The following TBL1X variants were observed in gnomAD, a reference collection of about 807,000 sequenced individuals.
The protein encoded by TBL1X is transducin beta like 1 X-linked.
TBL1X carries 10 observed loss-of-function variants against 50.7 expected under a neutral mutation model. The ratio of observed to expected loss-of-function variants is 0.20; its 90% CI spans 0.12 to 0.33. TBL1X has a LOEUF of 0.33. Among genes scored for constraint, TBL1X ranks in the 10% least tolerant of loss-of-function variants. TBL1X has a pLI of 1.00. For missense variants in TBL1X, 340 were observed against 504.4 expected (o/e 0.67, Z 3.12); for synonymous variants, 190 against 214.7 (o/e 0.88, Z 1.01).
intron 2 of TBL1X, among the ~76,000 whole-genome samples, chrX:9,589,769 A>C (rs1434059129): frequency 8.9e-6 from 1 of 112,048 alleles, no homozygotes; most frequent in African/African-American, 3.2e-5. Flanking sequence ...CATAACAGTT[A>C]AGAATCATTA....
At chrX:9,704,154 G>A (rs1382571933) in intron 12 of TBL1X, among the ~76,000 whole-genome samples, 1 of 112,270 alleles carries the variant, frequency 8.9e-6, no homozygotes. Context: ...GTCAGGGAGG[G>A]TGTCGGTCAC....
intron 5 of TBL1X, among the ~76,000 whole-genome samples, chrX:9,673,358 C>T (rs1224091248): frequency 3.6e-5 from 4 of 112,142 alleles, no homozygotes; most frequent in Non-Finnish European, 7.5e-5. Flanking sequence ...GTAACAATAT[C>T]TCACATTTGT....
At chrX:9,562,357 T>C (rs978845671) in intron 2 of TBL1X, among the ~76,000 whole-genome samples, 2 of 112,477 alleles carry the variant, frequency 1.8e-5, no homozygotes, top group African/African-American at 6.5e-5. Flanking sequence ...ATTTAAATAA[T>C]AATAAGTGCT....
chrX:9,463,701 G>A (rs375262138), upstream of TBL1X, among the ~76,000 whole-genome samples: 1 of 111,764 alleles, frequency 8.9e-6, no homozygotes, highest in African/African-American at 3.3e-5. Context: ...GACCAGTCTG[G>A]CCAATATGGT....
At chrX:9,469,875 A>G (rs1460572245) in intron 1 of TBL1X, among the ~76,000 whole-genome samples, 2 of 112,446 alleles carry the variant, frequency 1.8e-5, no homozygotes, top group Non-Finnish European at 3.8e-5. Context: ...CCTTAGGTGA[A>G]TCCATCCGCT....
At chrX:9,588,607 A>ATTTTTT (rs112613645) in intron 2 of TBL1X, among the ~76,000 whole-genome samples, 1 of 100,563 alleles carries the variant, frequency 9.9e-6, no homozygotes, top group Non-Finnish European at 2.0e-5. Context: ...ATTCATTTTG[A>ATTTTTT]TTTTTTTTTT....
intron 2 of TBL1X, among the ~76,000 whole-genome samples, chrX:9,527,539 T>C (rs772018777): frequency 1.5e-4 from 17 of 112,047 alleles, no homozygotes; most frequent in Non-Finnish European, 3.2e-4. Context: ...GGTTGATCGG[T>C]GGAACCTTAT....
intron 2 of TBL1X, among the ~76,000 whole-genome samples, chrX:9,556,747 T>C (rs775078432): frequency 9.0e-6 from 1 of 111,208 alleles, no homozygotes; most frequent in East Asian, 2.8e-4. Context: ...GTGGTGGTAT[T>C]TGCTGAAGGC....
At chrX:9,495,573 T>C (rs1409934000) in intron 1 of TBL1X, among the ~76,000 whole-genome samples, 2 of 111,410 alleles carry the variant, frequency 1.8e-5, no homozygotes, top group Non-Finnish European at 3.8e-5. Context: ...GGTCACAATG[T>C]TGTTGTCAAG....
chrX:9,473,535 C>T (rs1236353847), intron 1 of TBL1X, among the ~76,000 whole-genome samples: 1 of 111,432 alleles, frequency 9.0e-6, no homozygotes, highest in Non-Finnish European at 1.9e-5. Flanking sequence ...GCATGATAGG[C>T]GGTGGGTTCA....
intron 5 of TBL1X, among the ~76,000 whole-genome samples, chrX:9,673,263 C>T (rs765576907): frequency 1.8e-5 from 2 of 112,596 alleles, no homozygotes; most frequent in South Asian, 7.3e-4. Context: ...GCCTCCTTGT[C>T]TTCAGTTCCC....
rs2082390242 is a variant in TBL1X at position 9,572,319 on chromosome X, C to CCAGAGA, written c.-130-67954_-130-67953insCAGAGA. Among the ~76,000 whole-genome samples the CCAGAGA allele has an allele frequency of 4.4e-5, 5 of 112,877 alleles. No homozygotes were observed. In the South Asian group the frequency reaches 1.8e-3, roughly 41 times the overall value. On this transcript the variant is annotated intron_variant, in intron 2 of 17. Coordinates refer to ENST00000645353, the MANE Select transcript of TBL1X (RefSeq NM_005647.4). The stretch of plus-strand genomic sequence containing the variant: ...CTTGTGATCTCTGGCAGTGGGGTCT[C>CCAGAGA]TTCTGCTAGCTTCTCCCGAGCTTCC...
intron 3 of TBL1X, among the ~76,000 whole-genome samples, chrX:9,651,641 G>T (rs2082836337): frequency 8.9e-6 from 1 of 112,244 alleles, no homozygotes; most frequent in Non-Finnish European, 1.9e-5. Flanking sequence ...GTCATGCTAT[G>T]ATTTCATAGC....
rs937152353 is a variant in TBL1X at position 9,715,747 on chromosome X, C to T, written c.1708-473C>T. 2.9e-4 allele frequency among the ~76,000 whole-genome samples: 32 copies of T among 111,851 alleles called. No homozygotes were observed. The Admixed American group carries it at 3.0e-3, about 11-fold the overall frequency. On this transcript the variant is annotated intron_variant, in intron 17 of 17. Coordinates refer to ENST00000645353, the MANE Select transcript of TBL1X (RefSeq NM_005647.4). Reference sequence around the variant, plus strand: ...GCCCGGGCCTCTGGTGGCCATCCTGCAGGTCTCCTGGGCCCTCTTCTCTTC... The same window carrying T: ...GCCCGGGCCTCTGGTGGCCATCCTGTAGGTCTCCTGGGCCCTCTTCTCTTC...
At chrX:9,574,671 G>A (rs910979619) in intron 2 of TBL1X, among the ~76,000 whole-genome samples, 2 of 110,193 alleles carry the variant, frequency 1.8e-5, no homozygotes, top group African/African-American at 3.3e-5. Context: ...TCTGAAACGA[G>A]CTTCTGTGGA....
intron 5 of TBL1X, among the ~76,000 whole-genome samples, chrX:9,662,049 G>A (rs1328800729): frequency 9.0e-6 from 1 of 111,491 alleles, no homozygotes; most frequent in Non-Finnish European, 1.9e-5. Flanking sequence ...GCTTCCCTGT[G>A]TTCCAATGCC....
At position 9,527,453 on chromosome X, in the gene TBL1X, A is replaced by T. The variant is rs998174278; in HGVS notation, c.-131+25604A>T. Among the ~76,000 whole-genome samples, 4 of 111,694 alleles carry T rather than the reference A, an allele frequency of 3.6e-5. No homozygotes were observed. The Admixed American group carries it at 3.8e-4, about 11-fold the overall frequency. The stretch of plus-strand genomic sequence containing the variant: ...CACTGACCCTAAATGTGCGTTAAAA[A>T]AAAAGGTTTGGGATATTTTGGTTTA... On this transcript the variant is annotated intron_variant, in intron 2 of 17. Transcript: ENST00000645353.
chrX:9,475,912 C>G (rs2081846745), intron 1 of TBL1X, among the ~76,000 whole-genome samples: 1 of 112,158 alleles, frequency 8.9e-6, no homozygotes, highest in African/African-American at 3.2e-5. Flanking sequence ...TGAAATGATG[C>G]TCATACACTT....
intron 2 of TBL1X, among the ~76,000 whole-genome samples, chrX:9,600,687 CT>C (rs1191499038): frequency 4.5e-5 from 5 of 111,234 alleles, no homozygotes; most frequent in Non-Finnish European, 9.4e-5. Flanking sequence ...CCGGGGAAAG[CT>C]TTTTCATATG....
Sources: allele counts gnomAD v4.1 joint callset (sites outside exome capture counted in the v4.1 genomes callset), GRCh38; gene constraint gnomAD v4.1.1; transcripts MANE v1.5; gene names NCBI Gene and HGNC (gene_info 2026-07-23, HGNC 2026-07-21).